ASPM: variants seen among roughly 807,000 people sequenced by gnomAD.
ASPM encodes abnormal spindle-like microcephaly-associated protein.
In ASPM, 256 loss-of-function variants were observed where a neutral mutation model predicts 366.4. The observed-to-expected ratio is 0.70, with a 90% CI of 0.63 to 0.77. The LOEUF is 0.77. Among genes scored for constraint, ASPM ranks in the 30% least tolerant of loss-of-function variants. The pLI, the probability that ASPM is intolerant of heterozygous loss-of-function variation, is 0.00. For synonymous variants in ASPM, 1,414 were observed against 1,342.9 expected (o/e 1.05, Z -1.16); for missense variants, 4,146 against 4,090.4 (o/e 1.01, Z -0.37).
chr1:197,101,886 C>T lies in ASPM; in HGVS notation c.7365G>A (p.Leu2455=). 6.2e-7 allele frequency: 1 copy of T among 1,612,752 alleles called. No individual in the cohort carries two copies. Among genetic ancestry groups the T allele is most frequent in the Non-Finnish European group, 8.5e-7 (1 of 1,179,302 alleles). The part of the protein sequence containing the change: ...ICAKHKLYQF[L]HLRKAAITIQ... ...TTGTAATGGCTGCCTTTCTTAAGTG[C>T]AAGAATTGGTACAATTTATGTTTGG... Residue 2455 remains leucine (L), a synonymous_variant, in exon 18 of 28, where the codon TTG becomes TTA. Coordinates refer to ENST00000367409, the MANE Select transcript of ASPM (RefSeq NM_018136.5).
intron 10 of ASPM, among the ~76,000 whole-genome samples, chr1:197,127,595 G>A (rs1425606982): frequency 2.0e-5 from 3 of 152,068 alleles, no homozygotes; most frequent in Non-Finnish European, 2.9e-5. Flanking sequence ...ACCCTGAAGA[G>A]GCCAATCATG....
At chr1:197,126,433 C>A (rs1658090600) in intron 10 of ASPM, among the ~76,000 whole-genome samples, 1 of 85,922 alleles carries the variant, frequency 1.2e-5, no homozygotes, top group East Asian at 3.9e-4. Flanking sequence ...GAGTGAGACT[C>A]TGTCTCAAAA....
rs1159579687 is a variant in ASPM at position 197,129,929 on chromosome 1, T to A, written c.2615A>T (p.His872Leu). 6.2e-7 allele frequency: 1 copy of A among 1,613,782 alleles called. No individual in the cohort carries two copies. Among genetic ancestry groups the A allele is most frequent in the South Asian group, 1.1e-5 (1 of 91,078 alleles). Residue 872 changes from histidine to leucine, a missense_variant, in exon 8 of 28, where the codon CAC becomes CTC. Physicochemically the swap from His to Leu is moderately conservative, Grantham distance 99. Around this residue, in one of 3 missense-constraint regions of ASPM, gnomAD observed 3,624 missense variants for 3,591.7 expected, o/e 1.01. Transcript: ENST00000367409. The part of the protein sequence containing the change: ...AAEYRHPTVP[H>L]LYRDGHEEAL... ...GAGATACTTACCATCTCTATACAGG[T>A]GAGGAACAGTGGGGTGTCTATACTC...
At position 197,086,963 on chromosome 1, in the gene ASPM, T is replaced by C. The variant is rs1471276252; in HGVS notation, c.10171A>G (p.Ser3391Gly). Residue 3391 changes from serine (S) to glycine (G), a missense_variant, in exon 27 of 28, where the codon AGT becomes GGT. This residue lies in a region of ASPM where 3,624 missense variants were observed against 3,591.7 expected (regional missense o/e 1.01). Coordinates refer to ENST00000367409, the MANE Select transcript of ASPM (RefSeq NM_018136.5). ...ATACGGTCAACAACTTTGGACCTAC[T>C]TCGTACATCCTACAAAATAAAATGC... ...KTTNRASDVRSRSKVVDRIYS... is the reference protein window; with the variant it reads ...KTTNRASDVRGRSKVVDRIYS... 1 of 1,608,318 alleles carries C rather than the reference T, an allele frequency of 6.2e-7. No individual in the cohort carries two copies. Among genetic ancestry groups the C allele is most frequent in the Non-Finnish European group, 8.5e-7 (1 of 1,179,102 alleles).
intron 4 of ASPM, among the ~76,000 whole-genome samples, chr1:197,138,068 A>G (rs1470928870): frequency 6.6e-6 from 1 of 152,188 alleles, no homozygotes; most frequent in Non-Finnish European, 1.5e-5. Flanking sequence ...TGAGTCCCCA[A>G]CAAAGCCTCA....
chr1:197,124,944 G>T lies in ASPM; in HGVS notation c.3094C>A (p.Leu1032Ile), dbSNP rs1571616699. ...TGCCTATCCACAATATCCTTAGATA[G>T]AATTGTATTTCCTATAAAAGAAAAG... ...ELSDEHGNTI[L>I]SKDIVDRHRE... Residue 1032 changes from leucine (L) to isoleucine (I), a missense_variant, in exon 12 of 28, where the codon CTA becomes ATA. This residue lies in a region of ASPM where 3,624 missense variants were observed against 3,591.7 expected (regional missense o/e 1.01). Transcript: ENST00000367409. 6.2e-7 allele frequency: 1 copy of T among 1,611,442 alleles called. No homozygotes were observed. Among genetic ancestry groups the T allele is most frequent in the East Asian group, 2.2e-5 (1 of 44,834 alleles).
rs1658323382 is a variant in ASPM, at chr1:197,133,426, A to G, written c.2343T>C (p.Ala781=). ...RLFTSEKMVK[A]IKKLEIEIEA... is the part of the protein sequence containing the mutation. ...CAATTTCAATTTCAAGCTTTTTAAT[A>G]GCTTTAACCATTTTTTCAGAAGTAA... Residue 781 remains alanine, a synonymous_variant, in exon 6 of 28, where the codon GCT becomes GCC. Transcript: ENST00000367409. The G allele has an allele frequency of 1.9e-6, 3 of 1,614,084 alleles. No homozygotes were observed. The East Asian group carries it at 6.7e-5, about 36-fold the overall frequency.
At position 197,102,394 on chromosome 1, in the gene ASPM, TTG is replaced by T; in HGVS notation, c.6855_6856del (p.Lys2286GlufsTer31). On this transcript the variant is annotated frameshift_variant, in exon 18 of 28. Transcript: ENST00000367409. LOFTEE classifies it high-confidence loss of function. Reference sequence around the variant, plus strand: ...TCTCTGAATCAAAATAGCAGTTTTCTTGAGAGAGAGGAATCTTCTTCTCATCA... The same window carrying T: ...TCTCTGAATCAAAATAGCAGTTTTCTAGAGAGAGGAATCTTCTTCTCATCA... 6.2e-7 allele frequency: 1 copy of T among 1,612,808 alleles called. No individual in the cohort carries two copies. The highest frequency in any genetic ancestry group is 1.7e-5 in the Admixed American group (1 of 59,792).
Position 197,102,622 on chromosome 1 carries a change from T to C in ASPM, c.6629A>G (p.Asn2210Ser). The C allele has an allele frequency of 1.2e-6, 2 of 1,612,724 alleles. No individual in the cohort carries two copies. The highest frequency in any genetic ancestry group is 2.2e-5 in the East Asian group (1 of 44,806). Residue 2210 changes from asparagine (N) to serine (S), a missense_variant, in exon 18 of 28, where the codon AAT (asparagine) becomes AGT (serine). Transcript: ENST00000367409. ...TGTTTTTGTTATTTTCTTTAACTTA[T>C]TAAAGTATGTTTGCTGTCTGTATCT... The part of the protein sequence containing the change: ...YRRYRQQTYF[N>S]KLKKITKTVQ...
intron 17 of ASPM, among the ~76,000 whole-genome samples, chr1:197,117,043 T>C (rs544149828): frequency 1.1e-4 from 16 of 152,218 alleles, no homozygotes; most frequent in Non-Finnish European, 1.9e-4. Context: ...TATATTTTTA[T>C]TTTGGGTAAT....
rs563944045 is a variant in ASPM, at chr1:197,100,850, A to G, written c.8401T>C (p.Ser2801Pro). The change falls in exon 18 of 28, where the codon TCT becomes CCT. Residue 2801 changes from serine to proline, a missense_variant. This residue lies in a region of ASPM where 3,624 missense variants were observed against 3,591.7 expected (regional missense o/e 1.01). Coordinates refer to ENST00000367409, the MANE Select transcript of ASPM (RefSeq NM_018136.5). ...GCTTCCTGTGAACAAGCAAGGCCAG[A>G]AGCTTTATACCACTCTTGAATCATA... The part of the protein sequence containing the change: ...GVMIQEWYKA[S>P]GLACSQEAEY... 3 of 1,612,654 alleles carry G rather than the reference A, an allele frequency of 1.9e-6. No homozygotes were observed. In the South Asian group the frequency reaches 3.3e-5, roughly 18 times the overall value.
rs755976957 is a variant in ASPM, at chr1:197,139,882, T to C, written c.1922-11A>G. 2.6e-6 allele frequency: 4 copies of C among 1,541,616 alleles called. No homozygotes were observed. Among genetic ancestry groups the C allele is most frequent in the Non-Finnish European group, 3.6e-6 (4 of 1,114,708 alleles). ...TGAATATTGATAAATCTAAAATAAA[T>C]TAGAAAACAAAACTAAGAGCATTAA... On this transcript the variant is annotated splice_polypyrimidine_tract_variant and intron_variant, in intron 3 of 27. Transcript: ENST00000367409.
At position 197,100,801 on chromosome 1, in the gene ASPM, G is replaced by T. The variant is rs764743122; in HGVS notation, c.8450C>A (p.Ala2817Asp). 1.9e-6 allele frequency: 3 copies of T among 1,612,524 alleles called. No individual in the cohort carries two copies. In the East Asian group the frequency reaches 6.7e-5, roughly 36 times the overall value. The change falls in exon 18 of 28, where the codon GCT (alanine) becomes GAT (aspartate). Residue 2817 changes from alanine (A) to aspartate (D), a missense_variant. Physicochemically the swap from Ala to Asp is moderately radical, Grantham distance 126 (BLOSUM62 -2). This residue lies in a region of ASPM where 3,624 missense variants were observed against 3,591.7 expected (regional missense o/e 1.01). Transcript: ENST00000367409. ...AAAAGCTTTTTGAATTGTTACTGCA[G>T]CCCTACTTTGAGAATGATACTCTGC... ...QEAEYHSQSR[A>D]AVTIQKAFCR...
chr1:197,092,112 A>T, intron 21 of ASPM, 56 bp from the exon 22 acceptor site: 2 of 1,580,176 alleles, frequency 1.3e-6, no homozygotes, highest in Non-Finnish European at 1.7e-6. Flanking sequence ...TTAATCAATG[A>T]GTGTTTTTTT....
chr1:197,091,647 A>G (rs1175504040), intron 22 of ASPM, among the ~76,000 whole-genome samples: 4 of 152,032 alleles, frequency 2.6e-5, no homozygotes, highest in Non-Finnish European at 4.4e-5. Context: ...GCAAGCATGT[A>G]GAGAAACAGG....
Position 197,103,862 on chromosome 1 carries a change from T to C in ASPM, c.5389A>G (p.Asn1797Asp). The change falls in exon 18 of 28, where the codon AAC becomes GAC. Residue 1797 changes from asparagine to aspartate, a missense_variant. By Grantham distance (23) the Asn-to-Asp change is conservative (BLOSUM62 1). This residue lies in a region of ASPM where 3,624 missense variants were observed against 3,591.7 expected (regional missense o/e 1.01). Transcript: ENST00000367409. ...GCTGCTTTTTTGACTTGCAAGAAGT[T>C]CTTCCTCTGATTGACCTGTGCTTTG... Reference protein sequence around the residue: ...AYKAQVNQRKNFLQVKKAATC... With the variant: ...AYKAQVNQRKDFLQVKKAATC... 6.2e-7 allele frequency: 1 copy of C among 1,613,020 alleles called. No individual in the cohort carries two copies. The highest frequency in any genetic ancestry group is 8.5e-7 in the Non-Finnish European group (1 of 1,179,396).
At position 197,139,778 on chromosome 1, in the gene ASPM, G is replaced by C; in HGVS notation, c.2015C>G (p.Pro672Arg). ...VAQSSLTFIK[P>R]LKTDIPRHPM... ...TAATAAATACTTGCCTGTTTTTAAT[G>C]GTTTTATGAAGGTCAAACTGGACTG... Residue 672 changes from proline to arginine, a missense_variant, in exon 4 of 28, where the codon CCA (proline) becomes CGA (arginine). By Grantham distance (103) the Pro-to-Arg change is moderately radical (BLOSUM62 -2). This residue lies in a region of ASPM where 3,624 missense variants were observed against 3,591.7 expected (regional missense o/e 1.01). Transcript: ENST00000367409. 1 of 1,602,712 alleles carries C rather than the reference G, an allele frequency of 6.2e-7. No homozygotes were observed. The highest frequency in any genetic ancestry group is 8.5e-7 in the Non-Finnish European group (1 of 1,169,762).
intron 1 of ASPM, 124 bp downstream of exon 1, chr1:197,146,017 G>A: frequency 1.6e-6 from 2 of 1,261,584 alleles, no homozygotes; most frequent in Non-Finnish European, 2.3e-6. Flanking sequence ...AAAGGGAACT[G>A]ACTTTATTCT....
At position 197,129,201 on chromosome 1, in the gene ASPM, C is replaced by T. The variant is rs747141877; in HGVS notation, c.2746G>A (p.Asp916Asn). The T allele has an allele frequency of 2.7e-5, 44 of 1,612,254 alleles. No individual in the cohort carries two copies. The highest frequency in any genetic ancestry group is 3.7e-5 in the Non-Finnish European group (44 of 1,178,852). ...GAAAAGCATACCTTGAATTCGGCAT[C>T]TTTACAGAAGAGACAAGGATCATGA... ...IDHDPCLFCK[D>N]AEFKASKEIL... is the part of the protein sequence containing the mutation. Residue 916 changes from aspartate (D) to asparagine (N), a missense_variant, in exon 9 of 28, where the codon GAT (aspartate) becomes AAT (asparagine). By Grantham distance (23) the Asp-to-Asn change is conservative. Coordinates refer to ENST00000367409, the MANE Select transcript of ASPM (RefSeq NM_018136.5).
Sources: allele counts gnomAD v4.1 joint callset (sites outside exome capture counted in the v4.1 genomes callset), GRCh38; gene constraint gnomAD v4.1.1; regional missense constraint gnomAD v4.1.1; transcripts MANE v1.5; gene names NCBI Gene and HGNC (gene_info 2026-07-23, HGNC 2026-07-21).